The following MYO3A variants were observed in gnomAD, a reference collection of about 807,000 sequenced individuals.
The protein encoded by MYO3A is myosin IIIA.
A neutral mutation model predicts 192.7 loss-of-function variants in MYO3A; 180 were observed. The observed-to-expected ratio is 0.93, with a 90% confidence interval of 0.83 to 1.06. The LOEUF (loss-of-function observed/expected upper bound fraction) is 1.06, where lower values mean the gene tolerates loss of function less well. MYO3A is among the 50% of genes least tolerant of loss of function. The pLI is 0.00. For missense variants in MYO3A, 1,896 were observed against 1,905.0 expected, an observed-to-expected ratio of 1.00 and a Z score of 0.09; for synonymous variants, 628 against 645.3, an observed-to-expected ratio of 0.97 and a Z score of 0.41.
intron 14 of MYO3A, among the ~76,000 whole-genome samples, chr10:26,075,478 T>G (rs2131418438): frequency 6.6e-6 from 1 of 151,242 alleles, no homozygotes; most frequent in East Asian, 1.9e-4. Flanking sequence ...TTCTTATGCC[T>G]TTGCATCCTC....
At chr10:26,134,266 G>A (rs1202532433) in intron 20 of MYO3A, among the ~76,000 whole-genome samples, 3 of 152,038 alleles carry the variant, frequency 2.0e-5, no homozygotes, top group Non-Finnish European at 4.4e-5. Flanking sequence ...TTCTCATTAG[G>A]TTATTTGTCA....
intron 31 of MYO3A, among the ~76,000 whole-genome samples, chr10:26,185,820 T>TAA (rs905841113): frequency 7.9e-5 from 12 of 152,212 alleles, no homozygotes; most frequent in South Asian, 4.1e-4. Context: ...TGTATATATA[T>TAA]AACAGAGATT....
Position 26,174,188 on chromosome 10 carries a change from TG to T in MYO3A, c.3925del (p.Val1309Ter). On this transcript the variant is annotated frameshift_variant, in exon 30 of 35. Coordinates refer to ENST00000642920, the MANE Select transcript of MYO3A (RefSeq NM_017433.5). LOFTEE classifies it high-confidence loss of function. ...GCATGGAAAAAGAAAAGAAGACATC[TG>T]TAGTTACCCAGCGTGCACCGATATG... ...NSMEKEKKTSVVTQRAPICSQ... is the reference protein window; with the variant it reads ...NSMEKEKKTSXVTQRAPICSQ... 1 of 1,614,182 alleles carries T rather than the reference TG, an allele frequency of 6.2e-7. No individual in the cohort carries two copies. Among genetic ancestry groups the T allele is most frequent in the Admixed American group, 1.7e-5 (1 of 60,026 alleles).
At chr10:26,190,277 G>A (rs1330067752) in intron 31 of MYO3A, among the ~76,000 whole-genome samples, 2 of 152,176 alleles carry the variant, frequency 1.3e-5, no homozygotes, top group East Asian at 1.9e-4. Context: ...ATGATTGCTT[G>A]TCTGTAGGAA....
At chr10:25,945,637 A>G (rs1578216) in intron 2 of MYO3A, among the ~76,000 whole-genome samples, 109,078 of 151,944 alleles carry the variant, frequency 0.72, 39,482 homozygotes, top group African/African-American at 0.79. Flanking sequence ...AAAGTTTATG[A>G]CTTGAAGTCT....
At chr10:25,934,715 T>G in intron 1 of MYO3A, among the ~76,000 whole-genome samples, 1 of 130,178 alleles carries the variant, frequency 7.7e-6, no homozygotes. Flanking sequence ...GGGGTGGACT[T>G]GAGGGAAGAT....
chr10:26,002,255 T>C (rs970296307), intron 6 of MYO3A, among the ~76,000 whole-genome samples: 10 of 152,306 alleles, frequency 6.6e-5, no homozygotes, highest in African/African-American at 2.4e-4. Context: ...CTCTGCACTG[T>C]TATATATAAA....
rs1842305265 is a variant in MYO3A at position 26,021,543 on chromosome 10, C to T, written c.626C>T (p.Ala209Val). Residue 209 changes from alanine (A) to valine (V), a missense_variant, in exon 8 of 35, where the codon GCC (alanine) becomes GTC (valine). Physicochemically the swap from Ala to Val is moderately conservative, Grantham distance 64. Coordinates refer to ENST00000642920, the MANE Select transcript of MYO3A (RefSeq NM_017433.5). ...CAGCAATTGGATACCACTTATGACGCCAGATGTGACACTTGGTCCCTGGGT... is the reference window on the plus strand; with the variant it reads ...CAGCAATTGGATACCACTTATGACGTCAGATGTGACACTTGGTCCCTGGGT... ...CEQQLDTTYDARCDTWSLGIT... is the reference protein window; with the variant it reads ...CEQQLDTTYDVRCDTWSLGIT... 1 of 1,614,088 alleles carries T rather than the reference C, an allele frequency of 6.2e-7. No individual in the cohort carries two copies.
At chr10:26,083,390 A>G (rs2131477221) in intron 14 of MYO3A, among the ~76,000 whole-genome samples, 2 of 152,304 alleles carry the variant, frequency 1.3e-5, no homozygotes, top group East Asian at 3.9e-4. Flanking sequence ...GGAATTTTTC[A>G]TTTAATAGTT....
At chr10:25,950,048 C>T (rs1354837655) in intron 2 of MYO3A, among the ~76,000 whole-genome samples, 2 of 152,102 alleles carry the variant, frequency 1.3e-5, no homozygotes, top group Admixed American at 6.6e-5. Flanking sequence ...AGCCCATACC[C>T]TCATGTAGCT....
chr10:26,059,598 G>A (rs1402170566), intron 10 of MYO3A, among the ~76,000 whole-genome samples: 1 of 152,198 alleles, frequency 6.6e-6, no homozygotes, highest in Non-Finnish European at 1.5e-5. Context: ...GCTAAGAACT[G>A]TATCCACTGT....
At chr10:25,982,191 C>A (rs888980801) in intron 4 of MYO3A, among the ~76,000 whole-genome samples, 1 of 152,108 alleles carries the variant, frequency 6.6e-6, no homozygotes, top group African/African-American at 2.4e-5. Flanking sequence ...GAATATAACT[C>A]CACTGGACTG....
intron 4 of MYO3A, among the ~76,000 whole-genome samples, chr10:25,991,785 G>T (rs1174190031): frequency 1.3e-5 from 2 of 152,036 alleles, no homozygotes; most frequent in East Asian, 3.9e-4. Flanking sequence ...TTTCCCCATT[G>T]CTTGTTTTTG....
chr10:25,994,401 G>A (rs1031970831), intron 4 of MYO3A, among the ~76,000 whole-genome samples: 11 of 152,084 alleles, frequency 7.2e-5, no homozygotes, highest in Non-Finnish European at 1.2e-4. Context: ...TTGAGCCTAC[G>A]TGCGTCTCTG....
In MYO3A at chr10:26,088,319, A is replaced by C; in HGVS notation, c.1476A>C (p.Glu492Asp). The change falls in exon 15 of 35, where the codon GAA becomes GAC. Residue 492 changes from glutamate (E) to aspartate (D), a missense_variant. Physicochemically the swap from Glu to Asp is conservative, Grantham distance 45 (BLOSUM62 2). Transcript: ENST00000642920. Reference protein sequence around the residue: ...DNSSRFGKYLEMKFTSSGAVV... With the variant: ...DNSSRFGKYLDMKFTSSGAVV... ...CTAGCAGATTTGGAAAATACTTAGA[A>C]ATGAAATTCACCTCTTCTGGAGCGG... The C allele has an allele frequency of 6.2e-7, 1 of 1,613,934 alleles. No homozygotes were observed. The highest frequency in any genetic ancestry group is 8.5e-7 in the Non-Finnish European group (1 of 1,179,904).
chr10:26,075,541 C>T (rs1365842822), intron 14 of MYO3A, among the ~76,000 whole-genome samples: 4 of 149,682 alleles, frequency 2.7e-5, no homozygotes, highest in Non-Finnish European at 1.5e-5. Flanking sequence ...TTTTTCCACT[C>T]CTGAGTTACT....
At chr10:26,205,215 C>A (rs1843857803) in intron 34 of MYO3A, among the ~76,000 whole-genome samples, 1 of 152,088 alleles carries the variant, frequency 6.6e-6, no homozygotes, top group African/African-American at 2.4e-5. Flanking sequence ...CTTGATCATG[C>A]TAATTAACAT....
At chr10:26,186,315 G>A (rs918361609) in intron 31 of MYO3A, among the ~76,000 whole-genome samples, 4 of 146,462 alleles carry the variant, frequency 2.7e-5, no homozygotes, top group Non-Finnish European at 4.5e-5. Context: ...CACCCAGGCT[G>A]GAGTGCATTG....
At chr10:26,060,363 G>A (rs1345584644) in intron 10 of MYO3A, among the ~76,000 whole-genome samples, 1 of 152,064 alleles carries the variant, frequency 6.6e-6, no homozygotes, top group Non-Finnish European at 1.5e-5. Flanking sequence ...AGTTACTCGG[G>A]ATGCTGAGGC....
Sources: gnomAD v4.1 joint callset for allele counts (sites outside exome capture counted in the v4.1 genomes callset) on GRCh38, gnomAD v4.1.1 for gene constraint, MANE v1.5 for transcripts, NCBI Gene and HGNC (gene_info 2026-07-23, HGNC 2026-07-21) for gene names.